Variants in HPCAL1 observed in about 807,000 individuals in gnomAD.
HPCAL1 encodes the protein hippocalcin like 1.
A neutral mutation model predicts 17.1 loss-of-function variants in HPCAL1; 8 were observed. The ratio of observed to expected loss-of-function variants is 0.47; its 90% CI spans 0.27 to 0.84. HPCAL1 has a LOEUF of 0.84. Ranked by LOEUF, HPCAL1 falls within the 40% of genes least tolerant of loss-of-function variation. The pLI, the probability that HPCAL1 is intolerant of heterozygous loss-of-function variation, is 0.13. For missense variants in HPCAL1, 165 were observed against 271.1 expected (o/e 0.61, Z 2.75); for synonymous variants, 112 against 111.4 (o/e 1.01, Z -0.03).
chr2:10,339,394 C>T lies in HPCAL1; in HGVS notation c.-111+36217C>T, dbSNP rs530849596. 3.4e-3 allele frequency among the ~76,000 whole-genome samples: 510 copies of T among 152,222 alleles called. 11 individuals carry two copies. Among genetic ancestry groups the T allele is most frequent in the Non-Finnish European group, 3.6e-3 (245 of 67,998 alleles). ...GATCTCGGCTCACTGCAACCTCCGCCTCCCGGGTTTAAGCAATTCTCTGCC... is the reference window on the plus strand; with the variant it reads ...GATCTCGGCTCACTGCAACCTCCGCTTCCCGGGTTTAAGCAATTCTCTGCC... On this transcript the variant is annotated intron_variant, in intron 1 of 4. Transcript: ENST00000307845.
chr2:10,400,911 C>T (rs747483463), intron 2 of HPCAL1, among the ~76,000 whole-genome samples: 7 of 152,226 alleles, frequency 4.6e-5, no homozygotes, highest in Non-Finnish European at 1.0e-4. Flanking sequence ...GAATCCTAGC[C>T]GTCAGCATCT....
At chr2:10,404,749 G>T (rs921740158) in intron 2 of HPCAL1, among the ~76,000 whole-genome samples, 2 of 152,220 alleles carry the variant, frequency 1.3e-5, no homozygotes, top group South Asian at 4.1e-4. Context: ...TCTCTTTGAA[G>T]AACAGGAGTT....
chr2:10,400,043 T>G (rs573638052), intron 2 of HPCAL1, among the ~76,000 whole-genome samples: 2 of 151,980 alleles, frequency 1.3e-5, no homozygotes, highest in Admixed American at 1.3e-4. Flanking sequence ...AAAGAATGAG[T>G]GTCGGTTTTG....
intron 1 of HPCAL1, among the ~76,000 whole-genome samples, chr2:10,314,784 A>G (rs1171276687): frequency 6.6e-6 from 1 of 152,260 alleles, no homozygotes; most frequent in Non-Finnish European, 1.5e-5. Flanking sequence ...ACAAAAGTAT[A>G]TGTAGTAATG....
At chr2:10,420,695 A>G (rs1056169136) in intron 3 of HPCAL1, among the ~76,000 whole-genome samples, 1 of 152,162 alleles carries the variant, frequency 6.6e-6, no homozygotes, top group Non-Finnish European at 1.5e-5. Context: ...TTCATAACCC[A>G]ACAACGTGGG....
At chr2:10,418,382 C>G (rs988969818) in intron 2 of HPCAL1, among the ~76,000 whole-genome samples, 1 of 141,842 alleles carries the variant, frequency 7.1e-6, no homozygotes, top group African/African-American at 2.6e-5. Context: ...TGCAGTGAGC[C>G]GAGATCACAC....
At chr2:10,375,545 G>A (rs1667506440) in intron 1 of HPCAL1, among the ~76,000 whole-genome samples, 2 of 152,200 alleles carry the variant, frequency 1.3e-5, no homozygotes, top group Admixed American at 6.5e-5. Context: ...CACAAATTAC[G>A]GTGATGTTGT....
At position 10,367,943 on chromosome 2, in the gene HPCAL1, T is replaced by C. The variant is rs1313605856; in HGVS notation, c.-110-28892T>C. Among the ~76,000 whole-genome samples, 2 of 152,066 alleles carry C rather than the reference T, an allele frequency of 1.3e-5. No homozygotes were observed. The highest frequency in any genetic ancestry group is 2.9e-5 in the Non-Finnish European group (2 of 67,998). ...GTGCCCATATGCGTGTGTAGGTGTGTGCATATGTGTATATAGGTGTGTGCA... is the reference window on the plus strand; with the variant it reads ...GTGCCCATATGCGTGTGTAGGTGTGCGCATATGTGTATATAGGTGTGTGCA... On this transcript the variant is annotated intron_variant, in intron 1 of 4. Transcript: ENST00000307845. The surrounding 1 kb of genome is among the most constrained non-coding windows in gnomAD (Gnocchi z 4.4).
intron 2 of HPCAL1, among the ~76,000 whole-genome samples, chr2:10,417,506 T>C (rs1670750275): frequency 6.6e-6 from 1 of 152,242 alleles, no homozygotes; most frequent in Non-Finnish European, 1.5e-5. Context: ...TTCTCATAAA[T>C]GGTAACAAGC....
At chr2:10,372,863 G>T (rs1310721290) in intron 1 of HPCAL1, among the ~76,000 whole-genome samples, 1 of 152,228 alleles carries the variant, frequency 6.6e-6, no homozygotes, top group Non-Finnish European at 1.5e-5. Flanking sequence ...TTCTGGAGAA[G>T]GTGGCCAGGC....
At position 10,426,704 on chromosome 2, in the gene HPCAL1, T is replaced by C; in HGVS notation, c.485-20T>C. ...GAACAGTGAGCACTGGCTAATCCCA[T>C]TGTCTCTGGTCCCCTGCAGGCAAAC... On this transcript the variant is annotated intron_variant, in intron 4 of 4. Coordinates refer to ENST00000307845, the MANE Select transcript of HPCAL1 (RefSeq NM_002149.4). 3.8e-6 allele frequency: 6 copies of C among 1,596,770 alleles called. No individual in the cohort carries two copies. Among genetic ancestry groups the C allele is most frequent in the African/African-American group, 1.3e-5 (1 of 74,680 alleles).
rs1158414068 is a variant in HPCAL1 at position 10,323,525 on chromosome 2, C to CGGGTGACTG, written c.-111+20348_-111+20349insGGGTGACTG. On this transcript the variant is annotated intron_variant, in intron 1 of 4. Transcript: ENST00000307845. This position sits in a 1 kb window ranked among gnomAD's most constrained non-coding sequence, Gnocchi z 4.6. Reference sequence around the variant, plus strand: ...AGACAATGGGTGACTGAGGCAGTTACAGGTGTCAGCCCCAGATGAGGCTCC... The same window carrying CGGGTGACTG: ...AGACAATGGGTGACTGAGGCAGTTACGGGTGACTGAGGTGTCAGCCCCAGATGAGGCTCC... 6.6e-6 allele frequency among the ~76,000 whole-genome samples: 1 copy of CGGGTGACTG among 152,226 alleles called. No homozygotes were observed. Among genetic ancestry groups the CGGGTGACTG allele is most frequent in the East Asian group, 1.9e-4 (1 of 5,200 alleles).
At chr2:10,400,260 C>T (rs4668685) in intron 2 of HPCAL1, among the ~76,000 whole-genome samples, 66,950 of 152,056 alleles carry the variant, frequency 0.44, 14,976 homozygotes, top group East Asian at 0.6. Flanking sequence ...CAACCCCGAC[C>T]GCTGAGGAAG....
chr2:10,389,899 T>G (rs1228948356), intron 1 of HPCAL1, among the ~76,000 whole-genome samples: 1 of 152,216 alleles, frequency 6.6e-6, no homozygotes, highest in Non-Finnish European at 1.5e-5. Flanking sequence ...TGGACATACA[T>G]GAAGGAGGTC....
At position 10,343,621 on chromosome 2, in the gene HPCAL1, C is replaced by G. The variant is rs529140310; in HGVS notation, c.-111+40444C>G. On this transcript the variant is annotated intron_variant, in intron 1 of 4. Transcript: ENST00000307845. The surrounding 1 kb of genome is among the most constrained non-coding windows in gnomAD (Gnocchi z 4.8). ...CACTATATGGGTTTGCAAGCTGCCA[C>G]TGCTTTGACTGCAGACACTGGATTG... 1.3e-5 allele frequency among the ~76,000 whole-genome samples: 2 copies of G among 152,360 alleles called. No individual in the cohort carries two copies. Among genetic ancestry groups the G allele is most frequent in the Non-Finnish European group, 2.9e-5 (2 of 68,042 alleles).
At chr2:10,318,551 A>G (rs566417073) in intron 1 of HPCAL1, among the ~76,000 whole-genome samples, 1 of 152,186 alleles carries the variant, frequency 6.6e-6, no homozygotes, top group African/African-American at 2.4e-5. Flanking sequence ...ACCGCTCCGG[A>G]CATTGGCGAT....
At chr2:10,339,751 T>C (rs1232403410) in intron 1 of HPCAL1, among the ~76,000 whole-genome samples, 1 of 152,226 alleles carries the variant, frequency 6.6e-6, no homozygotes, top group East Asian at 1.9e-4. Context: ...GCTCAGAGCA[T>C]GTAAGATTAC....
At chr2:10,387,301 C>T (rs1236911680) in intron 1 of HPCAL1, among the ~76,000 whole-genome samples, 1 of 152,246 alleles carries the variant, frequency 6.6e-6, no homozygotes, top group African/African-American at 2.4e-5. Flanking sequence ...GCCCACGGTA[C>T]CGTGGAGGAA....
intron 2 of HPCAL1, among the ~76,000 whole-genome samples, chr2:10,415,622 G>T (rs1232047821): frequency 6.6e-6 from 1 of 152,102 alleles, no homozygotes; most frequent in African/African-American, 2.4e-5. Flanking sequence ...TTCTGGAAAA[G>T]CTTCCGCATG....
Sources: gnomAD v4.1 joint callset for allele counts (sites outside exome capture counted in the v4.1 genomes callset) on GRCh38, gnomAD v4.1.1 for gene constraint, Gnocchi (gnomAD v3.1) non-coding constraint, MANE v1.5 for transcripts, NCBI Gene and HGNC (gene_info 2026-07-23, HGNC 2026-07-21) for gene names.